UNC5C: variants seen among roughly 807,000 people sequenced by gnomAD.
UNC5C encodes unc-5 netrin receptor C, also known as netrin receptor UNC5C.
In UNC5C, 47 loss-of-function variants were observed where a neutral mutation model predicts 99.8. The observed-to-expected ratio is 0.47, with a 90% CI of 0.37 to 0.60. UNC5C has a LOEUF of 0.60. Ranked by LOEUF, UNC5C falls within the 20% of genes least tolerant of loss-of-function variation. UNC5C has a pLI of 0.00. For synonymous variants in UNC5C, 487 were observed against 452.2 expected (o/e 1.08, Z -0.98); for missense variants, 1,062 against 1,165.9 (o/e 0.91, Z 1.30).
At position 95,166,043 on chromosome 4, in the gene UNC5C, C is replaced by G. The variant is rs549204603; in HGVS notation, c.*3191G>C. The G allele has an allele frequency of 1.3e-5, 2 of 152,300 alleles. No individual in the cohort carries two copies. Among genetic ancestry groups the G allele is most frequent in the East Asian group, 1.9e-4 (1 of 5,186 alleles). 9.4% of individuals were successfully genotyped at this position (152,300 alleles called of 1,614,324 possible). ...TGTTTGTCATAAAGGTCCTTGAACTCTACAGGTTTTCATTCCCTTCGTCAA... is the reference window on the plus strand; with the variant it reads ...TGTTTGTCATAAAGGTCCTTGAACTGTACAGGTTTTCATTCCCTTCGTCAA... On this transcript the variant is annotated 3_prime_UTR_variant, in exon 16 of 16. Coordinates refer to ENST00000453304, the MANE Select transcript of UNC5C (RefSeq NM_003728.4).
chr4:95,188,800 G>T (rs1736947399), intron 12 of UNC5C, among the ~76,000 whole-genome samples: 1 of 152,136 alleles, frequency 6.6e-6, no homozygotes, highest in Non-Finnish European at 1.5e-5. Context: ...ACGTTAGGCT[G>T]CCAGGAACCA....
chr4:95,347,751 A>G (rs1336313730), intron 1 of UNC5C, among the ~76,000 whole-genome samples: 1 of 152,112 alleles, frequency 6.6e-6, no homozygotes, highest in African/African-American at 2.4e-5. Flanking sequence ...ATATACAGAA[A>G]TTGAATAAAA....
At chr4:95,449,931 C>G (rs1213389594) in intron 1 of UNC5C, among the ~76,000 whole-genome samples, 1 of 152,176 alleles carries the variant, frequency 6.6e-6, no homozygotes, top group Non-Finnish European at 1.5e-5. Context: ...AATCAAAGTT[C>G]TTCAGACTGC....
Position 95,162,866 on chromosome 4 carries a change from C to A in UNC5C, c.*6368G>T, listed in dbSNP as rs1264640980. On this transcript the variant is annotated 3_prime_UTR_variant, in exon 16 of 16. Transcript: ENST00000453304. ...AAAAGAAAAACGACAAAGCACAAAA[C>A]CTCAATCCGACCTTTCTGCAGTTGA... The A allele has an allele frequency of 2.0e-5, 3 of 152,172 alleles. No homozygotes were observed. Among genetic ancestry groups the A allele is most frequent in the Non-Finnish European group, 4.4e-5 (3 of 68,032 alleles). The allele number at this position is 152,172 out of a possible 1,614,324, so 9.4% of individuals were successfully genotyped here.
rs898172988 is a variant in UNC5C at position 95,481,965 on chromosome 4, TAA to T, written c.124+66767_124+66768del. The stretch of plus-strand genomic sequence containing the variant: ...TAGGCATGGGCAAGGACTTCATGTA[TAA>T]AACACCAAAAGCAATGGCAACAAAA... On this transcript the variant is annotated intron_variant, in intron 1 of 15. Transcript: ENST00000453304. 5.6e-4 allele frequency among the ~76,000 whole-genome samples: 85 copies of T among 152,120 alleles called. 2 individuals carry two copies. The East Asian group carries it at 0.01, about 18-fold the overall frequency.
intron 2 of UNC5C, among the ~76,000 whole-genome samples, chr4:95,320,132 A>G (rs1417593305): frequency 2.6e-5 from 4 of 152,166 alleles, no homozygotes; most frequent in Non-Finnish European, 4.4e-5. Flanking sequence ...TGTTTCTTCC[A>G]CAAAAATAAA....
At chr4:95,229,893 C>A (rs956253241) in intron 7 of UNC5C, among the ~76,000 whole-genome samples, 5 of 147,040 alleles carry the variant, frequency 3.4e-5, no homozygotes, top group African/African-American at 1.3e-4. Context: ...TCACTGCAAC[C>A]TGCACCTCCT....
intron 7 of UNC5C, chr4:95,222,172 G>A: frequency 7.0e-7 from 1 of 1,426,654 alleles, no homozygotes; most frequent in Non-Finnish European, 9.3e-7. Flanking sequence ...AACGTTAAAT[G>A]ATTATTCAGC....
At chr4:95,222,318 A>G (rs1738499389) in intron 7 of UNC5C, 3 of 1,150,594 alleles carry the variant, frequency 2.6e-6, no homozygotes. Context: ...CAAATTAATG[A>G]GGGAAAGAAA....
chr4:95,226,823 G>GT (rs150543823), intron 7 of UNC5C, among the ~76,000 whole-genome samples: 180 of 151,126 alleles, frequency 1.2e-3, no homozygotes, highest in South Asian at 2.7e-3. Flanking sequence ...TAGGGATGGT[G>GT]TTTTTTTTTG....
chr4:95,248,323 C>A, intron 5 of UNC5C: 1 of 231,412 alleles, frequency 4.3e-6, no homozygotes, highest in South Asian at 4.6e-5. Flanking sequence ...AAATGAAGAC[C>A]CAAAGATGCA....
chr4:95,182,756 A>C, intron 14 of UNC5C, 141 bp downstream of exon 14: 2 of 832,408 alleles, frequency 2.4e-6, no homozygotes, highest in Non-Finnish European at 3.4e-6. Flanking sequence ...TACAAATATT[A>C]TTCTATTAAC....
chr4:95,354,600 C>G (rs1022762219), intron 1 of UNC5C, among the ~76,000 whole-genome samples: 6 of 151,376 alleles, frequency 4.0e-5, no homozygotes, highest in Non-Finnish European at 8.8e-5. Context: ...CCACCTCAGC[C>G]TTATTTGAGT....
At chr4:95,332,348 G>A (rs1478371579) in intron 2 of UNC5C, among the ~76,000 whole-genome samples, 1 of 149,476 alleles carries the variant, frequency 6.7e-6, no homozygotes, top group Non-Finnish European at 1.5e-5. Flanking sequence ...AACCAAAACA[G>A]CATGGTACTG....
intron 10 of UNC5C, among the ~76,000 whole-genome samples, chr4:95,210,691 T>A (rs1020397346): frequency 2.6e-5 from 4 of 152,216 alleles, no homozygotes; most frequent in African/African-American, 4.8e-5. Flanking sequence ...AAATTTTAAA[T>A]GTTTTCCAAA....
rs1208781802 is a variant in UNC5C at position 95,448,227 on chromosome 4, T to TGAGAGAGAGAGAGAGA, written c.124+100491_124+100506dup. ...GTGTGTGTGTGTGTGTGTGTGTGTG[T>TGAGAGAGAGAGAGAGA]GAGAGAGAGAGAGAGAGAGAGAGAG... On this transcript the variant is annotated intron_variant, in intron 1 of 15. Coordinates refer to ENST00000453304, the MANE Select transcript of UNC5C (RefSeq NM_003728.4). Among the ~76,000 whole-genome samples, 706 of 100,124 alleles carry TGAGAGAGAGAGAGAGA rather than the reference T, an allele frequency of 7.1e-3. 18 individuals carry two copies. Among genetic ancestry groups the TGAGAGAGAGAGAGAGA allele is most frequent in the African/African-American group, 0.01 (254 of 24,810 alleles). 65.7% of individuals were successfully genotyped at this position (100,124 alleles called of 152,430 possible).
chr4:95,448,752 C>T (rs1033205543), intron 1 of UNC5C, among the ~76,000 whole-genome samples: 1 of 152,174 alleles, frequency 6.6e-6, no homozygotes, highest in African/African-American at 2.4e-5. Flanking sequence ...CTGGGAAATA[C>T]ATTTTTACAC....
intron 4 of UNC5C, among the ~76,000 whole-genome samples, chr4:95,271,267 G>A (rs925448338): frequency 2.0e-5 from 3 of 150,818 alleles, no homozygotes; most frequent in Non-Finnish European, 2.9e-5. Context: ...TCGCTCTGTC[G>A]CCCAGGCTGG....
intron 2 of UNC5C, among the ~76,000 whole-genome samples, chr4:95,323,403 C>T (rs1364975420): frequency 6.6e-6 from 1 of 152,120 alleles, no homozygotes; most frequent in Non-Finnish European, 1.5e-5. Context: ...AGGATGTGAA[C>T]AAACTTATTT....
Sources: allele counts gnomAD v4.1 joint callset (sites outside exome capture counted in the v4.1 genomes callset), GRCh38; gene constraint gnomAD v4.1.1; transcripts MANE v1.5; gene names NCBI Gene and HGNC (gene_info 2026-07-23, HGNC 2026-07-21).